The following SH3RF2 variants were observed in gnomAD, a reference collection of about 807,000 sequenced individuals.
The protein encoded by SH3RF2 is E3 ubiquitin-protein ligase SH3RF2.
In SH3RF2, 43 loss-of-function variants were observed where a neutral mutation model predicts 59.0. The observed-to-expected ratio is 0.73, with a 90% CI of 0.57 to 0.94. The LOEUF (loss-of-function observed/expected upper bound fraction) is 0.94. Among genes scored for constraint, SH3RF2 ranks in the 40% least tolerant of loss-of-function variants. The probability of loss-of-function intolerance (pLI) is 0.00; values close to 1 mark genes in which losing one functional copy is unlikely to be tolerated. For missense variants in SH3RF2, 930 were observed against 940.1 expected, an observed-to-expected ratio of 0.99 and a Z score of 0.14; for synonymous variants, 391 against 391.5, an observed-to-expected ratio of 1.00 and a Z score of 0.01.
chr5:145,953,097 C>G (rs1758253669), intron 2 of SH3RF2, among the ~76,000 whole-genome samples: 2 of 148,610 alleles, frequency 1.3e-5, no homozygotes, highest in Admixed American at 1.3e-4. Context: ...AGGCAGAACA[C>G]CAACAGTCTC....
rs200055659 is a variant in SH3RF2 at position 145,938,070 on chromosome 5, C to T, written c.142C>T (p.Arg48Trp). 11 of 1,614,232 alleles carry T rather than the reference C, an allele frequency of 6.8e-6. No individual in the cohort carries two copies. In the Admixed American group the frequency reaches 1.3e-4, roughly 20 times the overall value. Reference protein sequence around the residue: ...QRVFKAHKELRCPECRTPVFS... With the variant: ...QRVFKAHKELWCPECRTPVFS... ...GGTTTTCAAGGCCCACAAAGAGCTG[C>T]GGTGCCCCGAATGCAGGACGCCTGT... Residue 48 changes from arginine (R) to tryptophan (W), a missense_variant, in exon 2 of 10, where the codon CGG becomes TGG. Transcript: ENST00000359120.
chr5:145,968,465 A>G (rs1758949586), intron 2 of SH3RF2, among the ~76,000 whole-genome samples: 1 of 152,202 alleles, frequency 6.6e-6, no homozygotes, highest in African/African-American at 2.4e-5. Context: ...TATTTTTGTT[A>G]ACAATTATGT....
intron 2 of SH3RF2, among the ~76,000 whole-genome samples, chr5:145,967,712 T>G (rs1308587270): frequency 1.3e-5 from 2 of 152,114 alleles, no homozygotes; most frequent in Non-Finnish European, 2.9e-5. Flanking sequence ...AGGCTGGAGT[T>G]GCAGTGGTAC....
At chr5:145,989,563 G>A (rs1329595755) in intron 2 of SH3RF2, among the ~76,000 whole-genome samples, 2 of 152,186 alleles carry the variant, frequency 1.3e-5, no homozygotes, top group African/African-American at 4.8e-5. Context: ...TACATAACTT[G>A]AGTCAAAGGC....
intron 2 of SH3RF2, among the ~76,000 whole-genome samples, chr5:145,969,482 G>C (rs1758988287): frequency 6.6e-6 from 1 of 152,166 alleles, no homozygotes; most frequent in Non-Finnish European, 1.5e-5. Context: ...GAGTGGTGAT[G>C]GAAAAGAGGC....
chr5:146,002,358 G>A (rs908749874), intron 3 of SH3RF2, among the ~76,000 whole-genome samples: 4 of 152,250 alleles, frequency 2.6e-5, no homozygotes, highest in African/African-American at 9.6e-5. Flanking sequence ...GACTGAGGCA[G>A]GAGAATCGCT....
intron 9 of SH3RF2, among the ~76,000 whole-genome samples, chr5:146,077,138 A>C (rs1036844150): frequency 6.6e-6 from 1 of 152,222 alleles, no homozygotes; most frequent in Admixed American, 6.5e-5. Flanking sequence ...AGAGCCATGC[A>C]ACAAAGTCAT....
At chr5:145,940,030 C>G (rs1757755932) in intron 2 of SH3RF2, among the ~76,000 whole-genome samples, 2 of 152,186 alleles carry the variant, frequency 1.3e-5, no homozygotes, top group Admixed American at 1.3e-4. Flanking sequence ...AGAGGATTCT[C>G]AGGGCCCTTC....
Position 146,013,955 on chromosome 5 carries a change from G to T in SH3RF2, c.953G>T (p.Arg318Leu). 6.2e-7 allele frequency: 1 copy of T among 1,614,030 alleles called. No homozygotes were observed. The highest frequency in any genetic ancestry group is 1.1e-5 in the South Asian group (1 of 91,082). The change falls in exon 5 of 10, where the codon CGC becomes CTC. Residue 318 changes from arginine to leucine, a missense_variant. Physicochemically the swap from Arg to Leu is moderately radical, Grantham distance 102 (BLOSUM62 -2). Transcript: ENST00000359120. ...LNRMVHSPSGRHMVEISTPVL... is the reference protein window; with the variant it reads ...LNRMVHSPSGLHMVEISTPVL... ...CGGATGGTCCATTCTCCTTCAGGGC[G>T]CCATATGGTAGAGATCAGCACCCCA...
chr5:145,983,866 T>C (rs1473860903), intron 2 of SH3RF2, among the ~76,000 whole-genome samples: 1 of 152,172 alleles, frequency 6.6e-6, no homozygotes, highest in Non-Finnish European at 1.5e-5. Context: ...ATGTTTTAAA[T>C]AATGGAGCCT....
chr5:146,064,648 A>G (rs28605326), downstream of SH3RF2, among the ~76,000 whole-genome samples: 212 of 19,222 alleles, frequency 0.011, 3 homozygotes, highest in East Asian at 0.033. Context: ...GAGAGAAAGA[A>G]AGAGAGAGAG....
At chr5:145,993,488 C>T (rs1224935284) in intron 2 of SH3RF2, among the ~76,000 whole-genome samples, 1 of 152,252 alleles carries the variant, frequency 6.6e-6, no homozygotes, top group African/African-American at 2.4e-5. Context: ...TCTGCCTGGA[C>T]ATCCAGGTGT....
intron 8 of SH3RF2, among the ~76,000 whole-genome samples, chr5:146,058,137 C>T (rs773707463): frequency 6.6e-6 from 1 of 152,026 alleles, no homozygotes; most frequent in African/African-American, 2.4e-5. Context: ...CATGGAGCCT[C>T]GACTGCTTGC....
intron 2 of SH3RF2, among the ~76,000 whole-genome samples, chr5:145,943,925 G>T (rs1290969063): frequency 6.6e-6 from 1 of 152,120 alleles, no homozygotes; most frequent in African/African-American, 2.4e-5. Context: ...TTTCCCCTTA[G>T]GAAAAGTTGC....
At chr5:146,064,652 GAGAGAGAGAA>G (rs1221407421), downstream of SH3RF2, among the ~76,000 whole-genome samples, 10 of 17,080 alleles carry the variant, frequency 5.9e-4, 1 homozygote, top group East Asian at 0.09. Context: ...GAAAGAAAGA[GAGAGAGAGAA>G]AGAGAAAGAA....
chr5:145,983,874 C>G (rs1187954252), intron 2 of SH3RF2, among the ~76,000 whole-genome samples: 2 of 152,060 alleles, frequency 1.3e-5, no homozygotes, highest in African/African-American at 4.8e-5. Context: ...AATAATGGAG[C>G]CTTTTTAAAG....
intron 5 of SH3RF2, among the ~76,000 whole-genome samples, chr5:146,026,125 TGGA>T (rs1761522723): frequency 6.6e-6 from 1 of 152,184 alleles, no homozygotes; most frequent in Admixed American, 6.5e-5. Flanking sequence ...CTAACAGATA[TGGA>T]GGAGGGGGTG....
chr5:145,977,624 G>A (rs750242114), intron 2 of SH3RF2, among the ~76,000 whole-genome samples: 12 of 152,162 alleles, frequency 7.9e-5, no homozygotes, highest in Non-Finnish European at 1.3e-4. Context: ...TGTGGTGGGG[G>A]TCTTACAGTA....
chr5:146,021,734 CT>C (rs1761327836), intron 5 of SH3RF2, among the ~76,000 whole-genome samples: 1 of 152,168 alleles, frequency 6.6e-6, no homozygotes, highest in African/African-American at 2.4e-5. Flanking sequence ...CCAGAGCCCC[CT>C]GGGTAAAGAA....
Sources: allele counts gnomAD v4.1 joint callset (sites outside exome capture counted in the v4.1 genomes callset), GRCh38; gene constraint gnomAD v4.1.1; transcripts MANE v1.5; gene names NCBI Gene and HGNC (gene_info 2026-07-23, HGNC 2026-07-21).